The following EFNB2 variants were observed in gnomAD, a reference collection of about 807,000 sequenced individuals.
The protein encoded by EFNB2 is ephrin B2.
A neutral mutation model predicts 32.1 loss-of-function variants in EFNB2; 5 were observed. The ratio of observed to expected loss-of-function variants is 0.16; its 90% confidence interval spans 0.08 to 0.33. The LOEUF (loss-of-function observed/expected upper bound fraction) is 0.33. Ranked by LOEUF, EFNB2 falls within the 10% of genes least tolerant of loss-of-function variation. The pLI, the probability that EFNB2 is intolerant of heterozygous loss-of-function variation, is 1.00. For synonymous variants in EFNB2, 168 were observed against 166.5 expected, an observed-to-expected ratio of 1.01 and a Z score of -0.07; for missense variants, 263 against 422.6, an observed-to-expected ratio of 0.62 and a Z score of 3.31.
In EFNB2 at chr13:106,523,249, T is replaced by A. The variant is rs571780468; in HGVS notation, c.123-10437A>T. ...CTGCTACCATCAAAAGGAAGCAAAA[T>A]CAGACTGGGTTCCTGACTTCCATAC... On this transcript the variant is annotated intron_variant, in intron 1 of 4. Transcript: ENST00000646441. Among the ~76,000 whole-genome samples the A allele has an allele frequency of 3.3e-5, 5 of 152,138 alleles. No individual in the cohort carries two copies. The South Asian group carries it at 1.0e-3, about 32-fold the overall frequency.
chr13:106,523,620 C>A (rs1203275704), intron 1 of EFNB2, among the ~76,000 whole-genome samples: 1 of 152,162 alleles, frequency 6.6e-6, no homozygotes, highest in Admixed American at 6.5e-5. Flanking sequence ...AGGGGCACCA[C>A]TTGGAGTCAA....
intron 2 of EFNB2, among the ~76,000 whole-genome samples, chr13:106,511,365 C>T (rs574309542): frequency 3.3e-5 from 5 of 152,244 alleles, no homozygotes; most frequent in South Asian, 2.1e-4. Flanking sequence ...GCCTGTAGTC[C>T]GAGCTACTTG....
chr13:106,510,139 C>G (rs760253386), intron 2 of EFNB2: 4 of 152,184 alleles, frequency 2.6e-5, no homozygotes, highest in African/African-American at 4.8e-5. Flanking sequence ...AAGGAGAGCT[C>G]TGATGGCCAG....
At chr13:106,498,232 G>C (rs1878655661) in intron 2 of EFNB2, among the ~76,000 whole-genome samples, 1 of 152,116 alleles carries the variant, frequency 6.6e-6, no homozygotes, top group African/African-American at 2.4e-5. Flanking sequence ...TTAATCTTGA[G>C]GGGGAAAAGA....
rs955138735 is a variant in EFNB2 at position 106,492,404 on chromosome 13, G to C, written c.*636C>G. On this transcript the variant is annotated 3_prime_UTR_variant, in exon 5 of 5. Coordinates refer to ENST00000646441, the MANE Select transcript of EFNB2 (RefSeq NM_004093.4). The surrounding 1 kb of genome is among the most constrained non-coding windows in gnomAD (Gnocchi z 5.1). ...GTTAGCAAACACAATTTCTATGAAC[G>C]GATTACCCATGGACTGAAGCTGTTG... The C allele has an allele frequency of 6.6e-6, 1 of 152,458 alleles. No homozygotes were observed. Among genetic ancestry groups the C allele is most frequent in the African/African-American group, 2.4e-5 (1 of 41,428 alleles). 9.4% of individuals were successfully genotyped at this position (152,458 alleles called of 1,614,324 possible).
At chr13:106,515,394 C>A (rs554171513) in intron 1 of EFNB2, among the ~76,000 whole-genome samples, 1 of 152,078 alleles carries the variant, frequency 6.6e-6, no homozygotes, top group Non-Finnish European at 1.5e-5. Context: ...CTTATCAAAG[C>A]GGAAGTGTGG....
At chr13:106,496,306 T>C (rs1194921448) in intron 2 of EFNB2, among the ~76,000 whole-genome samples, 1 of 152,218 alleles carries the variant, frequency 6.6e-6, no homozygotes, top group Non-Finnish European at 1.5e-5. Flanking sequence ...TTGTCAAGCA[T>C]CCAAGTTCTG....
rs189445277 is a variant in EFNB2 at position 106,529,392 on chromosome 13, G to C, written c.122+5451C>G. Among the ~76,000 whole-genome samples, 278 of 152,342 alleles carry C rather than the reference G, an allele frequency of 1.8e-3. 1 individual carries two copies. The highest frequency in any genetic ancestry group is 3.0e-3 in the Non-Finnish European group (206 of 68,036). ...AATCTCCCAGGCCCTAACAACTGCA[G>C]TGATCTGAAGTTTTAATCAGCCCCA... is the stretch of plus-strand genomic sequence containing the variant. On this transcript the variant is annotated intron_variant, in intron 1 of 4. Coordinates refer to ENST00000646441, the MANE Select transcript of EFNB2 (RefSeq NM_004093.4).
At chr13:106,509,627 CTGTG>C (rs34068695) in intron 2 of EFNB2, among the ~76,000 whole-genome samples, 9,009 of 142,508 alleles carry the variant, frequency 0.063, 285 homozygotes, top group African/African-American at 0.073. Context: ...CAGAGCTTGA[CTGTG>C]TGTGTGTGTG....
chr13:106,516,878 A>G (rs1842444805), intron 1 of EFNB2: 1 of 152,170 alleles, frequency 6.6e-6, no homozygotes, highest in Non-Finnish European at 1.5e-5. Context: ...TTACATATGG[A>G]CTCCAGACAA....
At chr13:106,497,771 T>C (rs921601365) in intron 2 of EFNB2, among the ~76,000 whole-genome samples, 2 of 152,108 alleles carry the variant, frequency 1.3e-5, no homozygotes, top group African/African-American at 4.8e-5. Context: ...CTCCTCCAAA[T>C]ATGTGACTAA....
chr13:106,527,621 T>C (rs1879743185), intron 1 of EFNB2, among the ~76,000 whole-genome samples: 1 of 152,230 alleles, frequency 6.6e-6, no homozygotes, highest in Admixed American at 6.5e-5. Context: ...GAAAGGAAAA[T>C]ATGTTAATAA....
chr13:106,531,123 A>G (rs1482020159), intron 1 of EFNB2, among the ~76,000 whole-genome samples: 1 of 152,330 alleles, frequency 6.6e-6, no homozygotes, highest in Non-Finnish European at 1.5e-5. Context: ...TATGCTTTGT[A>G]AAAGATTTAG....
Position 106,512,141 on chromosome 13 carries a change from G to A in EFNB2, c.406+388C>T, listed in dbSNP as rs375395592. On this transcript the variant is annotated intron_variant, in intron 2 of 4. Coordinates refer to ENST00000646441, the MANE Select transcript of EFNB2 (RefSeq NM_004093.4). ...ACAGTCTCTGGCACAGAATAAATAC[G>A]AAATGAATGAGTGAATGAATGGATG... Among the ~76,000 whole-genome samples the A allele has an allele frequency of 5.1e-4, 77 of 152,096 alleles. 1 individual carries two copies. The East Asian group carries it at 0.014, about 27-fold the overall frequency.
intron 2 of EFNB2, among the ~76,000 whole-genome samples, chr13:106,500,825 T>A (rs1878753012): frequency 6.6e-6 from 1 of 152,160 alleles, no homozygotes; most frequent in Non-Finnish European, 1.5e-5. Context: ...ATCGGAAGAC[T>A]GTTATCTTGG....
Position 106,535,158 on chromosome 13 carries a change from G to T in EFNB2, c.-194C>A. 5.2e-6 allele frequency: 2 copies of T among 381,666 alleles called. No individual in the cohort carries two copies. Among genetic ancestry groups the T allele is most frequent in the Non-Finnish European group, 7.6e-6 (2 of 264,304 alleles). The allele number at this position is 381,666 out of a possible 1,614,324, so 23.6% of individuals were successfully genotyped here. On this transcript the variant is annotated 5_prime_UTR_variant, in exon 1 of 5. Coordinates refer to ENST00000646441, the MANE Select transcript of EFNB2 (RefSeq NM_004093.4). Reference sequence around the variant, plus strand: ...GCTCTCCGGGGCCCTCAGGGCGCGGGGCGGGAGCGCACGCGCGGGGCGCGG... The same window carrying T: ...GCTCTCCGGGGCCCTCAGGGCGCGGTGCGGGAGCGCACGCGCGGGGCGCGG...
At chr13:106,505,977 C>T (rs140030317) in intron 2 of EFNB2, 21 of 152,356 alleles carry the variant, frequency 1.4e-4, no homozygotes, top group African/African-American at 4.6e-4. Flanking sequence ...GGTCGTGACT[C>T]CGCTATACCC....
Position 106,531,740 on chromosome 13 carries a change from G to T in EFNB2, c.122+3103C>A, listed in dbSNP as rs1378452082. On this transcript the variant is annotated intron_variant, in intron 1 of 4. Transcript: ENST00000646441. ...CCATTCTTTTGTATCAAGTCAATTA[G>T]TATCAGGAATCCAGTATTATATAGG... Among the ~76,000 whole-genome samples the T allele has an allele frequency of 4.0e-5, 6 of 151,452 alleles. No homozygotes were observed. In the East Asian group the frequency reaches 1.2e-3, roughly 29 times the overall value.
chr13:106,493,137 G>C lies in EFNB2; in HGVS notation c.905C>G (p.Pro302Arg). 1 of 1,614,054 alleles carries C rather than the reference G, an allele frequency of 6.2e-7. No individual in the cohort carries two copies. Among genetic ancestry groups the C allele is most frequent in the East Asian group, 2.2e-5 (1 of 44,870 alleles). Residue 302 changes from proline to arginine, a missense_variant, in exon 5 of 5, where the codon CCT becomes CGT. Pro to Arg is a moderately radical substitution (Grantham distance 103, BLOSUM62 -2). This residue lies in a region of EFNB2 where 172 missense variants were observed against 237.1 expected (regional missense o/e 0.73). Coordinates refer to ENST00000646441, the MANE Select transcript of EFNB2 (RefSeq NM_004093.4). This position sits in a 1 kb window ranked among gnomAD's most constrained non-coding sequence, Gnocchi z 6.1. ...PLRTADSVFC[P>R]HYEKVSGDYG... ...GTCCCCGCTGACCTTCTCGTAGTGA[G>C]GGCAGAAGACGCTGTCCGCAGTCCT... is the stretch of plus-strand genomic sequence containing the variant.
Sources: allele counts gnomAD v4.1 joint callset (sites outside exome capture counted in the v4.1 genomes callset), GRCh38; gene constraint gnomAD v4.1.1; regional missense constraint gnomAD v4.1.1; non-coding constraint Gnocchi (gnomAD v3.1); transcripts MANE v1.5; gene names NCBI Gene and HGNC (gene_info 2026-07-23, HGNC 2026-07-21).